The following LMF2 variants were observed in gnomAD, a reference collection of about 807,000 sequenced individuals.
The protein encoded by LMF2 is transmembrane protein 112B.
Under a neutral mutation model 81.5 loss-of-function variants are expected in LMF2, and 113 were observed. The ratio of observed to expected loss-of-function variants is 1.39; its 90% CI spans 1.19 to 1.62. The LOEUF is 1.62. LMF2 is among the 40% of genes most tolerant of loss of function. The probability of loss-of-function intolerance (pLI) is 0.00; values close to 1 mark genes in which losing one functional copy is unlikely to be tolerated. For synonymous variants in LMF2, 645 were observed against 424.5 expected (o/e 1.52, Z -6.39); for missense variants, 1,235 against 929.1 (o/e 1.33, Z -4.28).
Position 50,506,162 on chromosome 22 carries a change from A to G in LMF2, c.647T>C (p.Phe216Ser). Reference sequence around the variant, plus strand: ...CAGCCAGACCGGCAGGTGGTGTGCGAACCAGGCGGCGGGCGTGGGCAGGCA... The same window carrying G: ...CAGCCAGACCGGCAGGTGGTGTGCGGACCAGGCGGCGGGCGTGGGCAGGCA... ...TQCLPTPAAWFAHHLPVWLHK... is the reference protein window; with the variant it reads ...TQCLPTPAAWSAHHLPVWLHK... Residue 216 changes from phenylalanine to serine, a missense_variant, in exon 5 of 14, where the codon TTC becomes TCC. By Grantham distance (155) the Phe-to-Ser change is radical (BLOSUM62 -2). Coordinates refer to ENST00000474879, the MANE Select transcript of LMF2 (RefSeq NM_033200.3). 6.4e-7 allele frequency: 1 copy of G among 1,566,996 alleles called. No individual in the cohort carries two copies. Among genetic ancestry groups the G allele is most frequent in the Non-Finnish European group, 8.7e-7 (1 of 1,155,944 alleles).
Position 50,503,715 on chromosome 22 carries a change from AGGG to A in LMF2, c.1816-19_1816-17del. ...GGCTTTTCTCCTGTGGGAGGGAGGG[AGGG>A]AGGGAGGTTGGGGAAGTGCTTACTG... On this transcript the variant is annotated splice_polypyrimidine_tract_variant and intron_variant, in intron 13 of 13. Transcript: ENST00000474879. The A allele has an allele frequency of 1.7e-6, 1 of 579,962 alleles. No homozygotes were observed. Among genetic ancestry groups the A allele is most frequent in the Non-Finnish European group, 3.0e-6 (1 of 329,556 alleles). The allele number at this position is 579,962 out of a possible 1,614,324, so 35.9% of individuals were successfully genotyped here.
rs1352744373 is a variant in LMF2, at chr22:50,503,548, A to C, written c.1967T>G (p.Leu656Arg). 3 of 1,557,594 alleles carry C rather than the reference A, an allele frequency of 1.9e-6. No individual in the cohort carries two copies. Among genetic ancestry groups the C allele is most frequent in the Non-Finnish European group, 2.6e-6 (3 of 1,155,060 alleles). The change falls in exon 14 of 14, where the codon CTA becomes CGA. Residue 656 changes from leucine to arginine, a missense_variant. Leu to Arg is a moderately radical substitution (Grantham distance 102). Transcript: ENST00000474879. ...GGAGGACCGGAGAGAACAGGGTGCT[A>C]GCAGGGCTTGCACAAATCTGACAGC... ...VGAVRFVQAL[L>R]APCSLRSSPL...
intron 1 of LMF2, 48 bp downstream of exon 1, chr22:50,507,534 T>C (rs1410721290): frequency 6.6e-6 from 9 of 1,369,236 alleles, no homozygotes; most frequent in South Asian, 1.2e-5. Context: ...AAAGAGGACA[T>C]AGGGTCCCGC....
rs1374693473 is a variant in LMF2, at chr22:50,506,097, C to T, written c.712G>A (p.Ala238Thr). ...GGGGCGAAGAACAGGGGCGGCACAG[C>T]GATCTCAATTAGGAAGGTGGCCACC... The part of the protein sequence containing the change: ...SVVATFLIEI[A>T]VPPLFFAPIR... The change falls in exon 5 of 14, where the codon GCT becomes ACT. Residue 238 changes from alanine (A) to threonine (T), a missense_variant. Physicochemically the swap from Ala to Thr is moderately conservative, Grantham distance 58 (BLOSUM62 0). Transcript: ENST00000474879. 9.4e-6 allele frequency: 15 copies of T among 1,589,556 alleles called. No individual in the cohort carries two copies. Among genetic ancestry groups the T allele is most frequent in the African/African-American group, 4.0e-5 (3 of 74,648 alleles).
At chr22:50,504,474 G>T in intron 11 of LMF2, 23 bp from the exon 12 acceptor site, 1 of 1,602,206 alleles carries the variant, frequency 6.2e-7, no homozygotes, top group African/African-American at 1.3e-5. Context: ...GCATCAGCGT[G>T]GCCCCCACAG....
At position 50,506,123 on chromosome 22, in the gene LMF2, A is replaced by T; in HGVS notation, c.686T>A (p.Val229Glu). 6.3e-7 allele frequency: 1 copy of T among 1,582,084 alleles called. No homozygotes were observed. The highest frequency in any genetic ancestry group is 1.3e-5 in the African/African-American group (1 of 74,628). ...GATCTCAATTAGGAAGGTGGCCACC[A>T]CGCTGAGCTTGTGCAGCCAGACCGG... is the stretch of plus-strand genomic sequence containing the variant. ...HLPVWLHKLS[V>E]VATFLIEIAV... The change falls in exon 5 of 14, where the codon GTG becomes GAG. Residue 229 changes from valine to glutamate, a missense_variant. By Grantham distance (121) the Val-to-Glu change is moderately radical (BLOSUM62 -2). Coordinates refer to ENST00000474879, the MANE Select transcript of LMF2 (RefSeq NM_033200.3).
Position 50,503,230 on chromosome 22 carries a change from A to G in LMF2, c.*161T>C, listed in dbSNP as rs1338506791. On this transcript the variant is annotated 3_prime_UTR_variant, in exon 14 of 14. Transcript: ENST00000474879. ...TGGCTGGCGTGGGGGTGGGGCCTGG[A>G]GCCCTCAATGCAGCACCCTGCAAAC... The G allele has an allele frequency of 1.5e-6, 1 of 663,134 alleles. No homozygotes were observed. The highest frequency in any genetic ancestry group is 2.4e-6 in the Non-Finnish European group (1 of 408,850). 41.1% of individuals were successfully genotyped at this position (663,134 alleles called of 1,614,324 possible). A position where few individuals can be genotyped will look rare whatever the true frequency, so the allele number is the denominator to read the frequency against.
intron 11 of LMF2, 25 bp from the exon 12 acceptor site, chr22:50,504,476 C>A: frequency 6.2e-7 from 1 of 1,600,606 alleles, no homozygotes; most frequent in Non-Finnish European, 8.5e-7. Context: ...ATCAGCGTGG[C>A]CCCCACAGTA....
chr22:50,507,194 C>G, intron 1 of LMF2, 159 bp from the exon 2 acceptor site: 1 of 1,269,864 alleles, frequency 7.9e-7, no homozygotes, highest in East Asian at 2.6e-5. Flanking sequence ...TCCCCCAGGT[C>G]GGGACCTGTC....
chr22:50,503,788 CCTGG>C lies in LMF2; in HGVS notation c.1815+16_1815+19del. On this transcript the variant is annotated intron_variant, in intron 13 of 13. Coordinates refer to ENST00000474879, the MANE Select transcript of LMF2 (RefSeq NM_033200.3). ...GGGTCACCCCTGCCACCTCCCCCAG[CCTGG>C]CTGACACCCCCTTACCTGTAGTCCA... 1.2e-6 allele frequency: 2 copies of C among 1,601,522 alleles called. No individual in the cohort carries two copies. The highest frequency in any genetic ancestry group is 1.7e-4 in the Middle Eastern group (1 of 6,048).
rs918831113 is a variant in LMF2 at position 50,505,518 on chromosome 22, C to T, written c.936G>A (p.Leu312=). 1 of 1,612,478 alleles carries T rather than the reference C, an allele frequency of 6.2e-7. No individual in the cohort carries two copies. Among genetic ancestry groups the T allele is most frequent in the African/African-American group, 1.3e-5 (1 of 74,954 alleles). ...KTATSWPKAL[L]ATLSLLLELA... ...GTTCCAGCAGCAGCGACAGGGTGGCCAGCAGGGCCTTGGGCCAGGCTGTGG... is the reference window on the plus strand; with the variant it reads ...GTTCCAGCAGCAGCGACAGGGTGGCTAGCAGGGCCTTGGGCCAGGCTGTGG... The change falls in exon 7 of 14, where the codon CTG becomes CTA. Residue 312 remains leucine, a synonymous_variant. Coordinates refer to ENST00000474879, the MANE Select transcript of LMF2 (RefSeq NM_033200.3).
In LMF2 at chr22:50,505,040, C is replaced by T. The variant is rs2068521027; in HGVS notation, c.1254+17G>A. The stretch of plus-strand genomic sequence containing the variant: ...CCCTGCCCCCAGCCCATCCCCCAGC[C>T]CTGCAGCGCTACCCACCAGGCTAAT... On this transcript the variant is annotated intron_variant, in intron 9 of 13. Coordinates refer to ENST00000474879, the MANE Select transcript of LMF2 (RefSeq NM_033200.3). 6.2e-7 allele frequency: 1 copy of T among 1,612,858 alleles called. No individual in the cohort carries two copies. The highest frequency in any genetic ancestry group is 8.5e-7 in the Non-Finnish European group (1 of 1,179,928).
At position 50,503,884 on chromosome 22, in the gene LMF2, C is replaced by T. The variant is rs1384864929; in HGVS notation, c.1739G>A (p.Trp580Ter). The T allele has an allele frequency of 6.2e-7, 1 of 1,605,388 alleles. No individual in the cohort carries two copies. The highest frequency in any genetic ancestry group is 1.7e-5 in the Admixed American group (1 of 59,964). ...CACGGATGGGAAGAACTCCTCCACC[C>T]ACTGGCGCCGCCACCACTGGCTGCA... Reference protein sequence around the residue: ...GEQGQWWRRQWVEEFFPSVSL... With the variant: ...GEQGQWWRRQ Residue 580 changes from tryptophan (W) to a stop codon, truncating the protein, a stop_gained, in exon 13 of 14, where the codon TGG (tryptophan) becomes TAG (stop). Transcript: ENST00000474879. LOFTEE classifies it high-confidence loss of function.
In LMF2 at chr22:50,506,393, G is replaced by C; in HGVS notation, c.487C>G (p.His163Asp). 1 of 1,550,062 alleles carries C rather than the reference G, an allele frequency of 6.5e-7. No individual in the cohort carries two copies. Among genetic ancestry groups the C allele is most frequent in the Non-Finnish European group, 8.7e-7 (1 of 1,147,410 alleles). The change falls in exon 4 of 14, where the codon CAC becomes GAC. Residue 163 changes from histidine to aspartate, a missense_variant. Coordinates refer to ENST00000474879, the MANE Select transcript of LMF2 (RefSeq NM_033200.3). ...ACCAGCCAGAAGGGGAGGTCTTCGT[G>C]GGGCAGGGCCCCTGCCTGCCTGCCC... The part of the protein sequence containing the change: ...PQGRQAGALP[H>D]EDLPFWLVRW...
intron 1 of LMF2, 189 bp downstream of exon 1, chr22:50,507,393 C>T (rs2068618639): frequency 3.1e-6 from 2 of 638,276 alleles, no homozygotes; most frequent in South Asian, 3.6e-5. Flanking sequence ...CAGAGCCTTA[C>T]GGGAAATGGA....
rs749404372 is a variant in LMF2 at position 50,505,705 on chromosome 22, A to G, written c.885T>C (p.Pro295=). 2.9e-5 allele frequency: 46 copies of G among 1,612,720 alleles called. No homozygotes were observed. The Admixed American group carries it at 4.7e-4, about 16-fold the overall frequency. Residue 295 remains proline, a synonymous_variant, in exon 6 of 14, where the codon CCT becomes CCC. Transcript: ENST00000474879. ...CCGTCTTCTTGCGGCTGCCGTGGCCAGGCTCAGCAGCCAGGTGCTGGTCGT... is the reference window on the plus strand; with the variant it reads ...CCGTCTTCTTGCGGCTGCCGTGGCCGGGCTCAGCAGCCAGGTGCTGGTCGT... ...LLDDQHLAAE[P]GHGSRKKTAT...
In LMF2 at chr22:50,506,833, G is replaced by A. The variant is rs754500616; in HGVS notation, c.297C>T (p.Arg99=). The A allele has an allele frequency of 7.5e-6, 12 of 1,604,740 alleles. 1 individual carries two copies. The East Asian group carries it at 2.5e-4, about 33-fold the overall frequency. ...AAAGCAGCAAGTAGATGACAGGGTG[G>A]CGCAGTGGGCTCAGCAGCAGGGCTC... ...ALGALLLSPL[R]HPVIYLLLWA... is the part of the protein sequence containing the mutation. The change falls in exon 2 of 14, where the codon CGC becomes CGT. Residue 99 remains arginine (R), a synonymous_variant. Transcript: ENST00000474879.
chr22:50,507,452 C>T (rs2068622870), intron 1 of LMF2, 130 bp downstream of exon 1: 1 of 760,664 alleles, frequency 1.3e-6, no homozygotes, highest in Non-Finnish European at 2.3e-6. Flanking sequence ...ACACGAACCG[C>T]CGCCCCCTAC....
rs533762764 is a variant in LMF2 at position 50,505,488 on chromosome 22, G to C, written c.966C>G (p.Ala322=). The part of the protein sequence containing the change: ...LATLSLLLEL[A]VYGLLAYGTV... ...TGCCATAGGCCAGAAGCCCGTAGAC[G>C]GCTAGTTCCAGCAGCAGCGACAGGG... The change falls in exon 7 of 14, where the codon GCC becomes GCG. Residue 322 remains alanine (A), a synonymous_variant. Transcript: ENST00000474879. 1.2e-6 allele frequency: 2 copies of C among 1,612,748 alleles called. No individual in the cohort carries two copies. Among genetic ancestry groups the C allele is most frequent in the East Asian group, 2.2e-5 (1 of 44,898 alleles).
Sources: gnomAD v4.1 joint callset for allele counts on GRCh38, gnomAD v4.1.1 for gene constraint, MANE v1.5 for transcripts, NCBI Gene and HGNC (gene_info 2026-07-23, HGNC 2026-07-21) for gene names.